Variants in VKORC1L1 observed in about 807,000 individuals in gnomAD.
VKORC1L1 encodes vitamin K epoxide reductase complex subunit 1L1.
In VKORC1L1, 2 loss-of-function variants were observed where a neutral mutation model predicts 18.9. The ratio of observed to expected loss-of-function variants is 0.11; its 90% CI spans 0.04 to 0.33. VKORC1L1 has a LOEUF of 0.33. VKORC1L1 is among the 10% of genes least tolerant of loss of function. The probability of loss-of-function intolerance (pLI) is 1.00; values close to 1 mark genes in which losing one functional copy is unlikely to be tolerated. For synonymous variants in VKORC1L1, 96 were observed against 100.0 expected (o/e 0.96, Z 0.24); for missense variants, 123 against 224.1 (o/e 0.55, Z 2.88).
At chr7:65,945,612 C>CA (rs56868718) in intron 1 of VKORC1L1, among the ~76,000 whole-genome samples, 17,451 of 145,898 alleles carry the variant, frequency 0.12, 1,098 homozygotes, top group Middle Eastern at 0.21. Context: ...GACTCCGTCT[C>CA]AAAAAAAAAA....
At chr7:65,919,504 A>G (rs1045832982) in intron 1 of VKORC1L1, among the ~76,000 whole-genome samples, 6 of 152,122 alleles carry the variant, frequency 3.9e-5, no homozygotes, top group African/African-American at 9.7e-5. Context: ...CCCAGCTAGT[A>G]AAGTCAGAAA....
At chr7:65,907,082 A>T (rs1789418316) in intron 1 of VKORC1L1, among the ~76,000 whole-genome samples, 1 of 152,162 alleles carries the variant, frequency 6.6e-6, no homozygotes, top group South Asian at 2.1e-4. Context: ...TAAGGATAAG[A>T]CTGCTAGAGA....
intron 1 of VKORC1L1, among the ~76,000 whole-genome samples, chr7:65,922,241 C>G (rs1220232966): frequency 6.6e-6 from 1 of 150,754 alleles, no homozygotes; most frequent in Non-Finnish European, 1.5e-5. Context: ...ATTTCCCCCT[C>G]TATCTTTGCA....
intron 1 of VKORC1L1, among the ~76,000 whole-genome samples, chr7:65,903,312 G>A (rs187909974): frequency 3.3e-5 from 5 of 151,550 alleles, no homozygotes; most frequent in Admixed American, 6.6e-5. Flanking sequence ...GATTACAGGC[G>A]CATGCCACCA....
chr7:65,926,923 TATATATACTAG>T (rs769756719), intron 1 of VKORC1L1, among the ~76,000 whole-genome samples: 83 of 152,104 alleles, frequency 5.5e-4, no homozygotes, highest in South Asian at 1.0e-3. Flanking sequence ...AGGCAAACAG[TATATATACTAG>T]ATATACTAGA....
At chr7:65,936,589 G>A (rs539059863) in intron 1 of VKORC1L1, among the ~76,000 whole-genome samples, 1 of 152,280 alleles carries the variant, frequency 6.6e-6, no homozygotes, top group East Asian at 1.9e-4. Context: ...TTTGAATGAT[G>A]GTTTATATCA....
Position 65,945,439 on chromosome 7 carries a change from A to G in VKORC1L1, c.195-3232A>G, listed in dbSNP as rs555389153. Among the ~76,000 whole-genome samples, 30 of 151,942 alleles carry G rather than the reference A, an allele frequency of 2.0e-4. No homozygotes were observed. In the South Asian group the frequency reaches 4.0e-3, roughly 20 times the overall value. Reference sequence around the variant, plus strand: ...ATCTTGGCTAACACGGTGAAACCCCATCTCTACTAAAAATACAAAAAAATT... The same window carrying G: ...ATCTTGGCTAACACGGTGAAACCCCGTCTCTACTAAAAATACAAAAAAATT... On this transcript the variant is annotated intron_variant, in intron 1 of 2. Transcript: ENST00000360768.
At chr7:65,874,038 C>G (rs974141721) in intron 1 of VKORC1L1, among the ~76,000 whole-genome samples, 1 of 152,148 alleles carries the variant, frequency 6.6e-6, no homozygotes, top group Non-Finnish European at 1.5e-5. Context: ...TTGGGGCCGG[C>G]GCGGAGACAG....
At chr7:65,899,873 G>A (rs1374325631) in intron 1 of VKORC1L1, among the ~76,000 whole-genome samples, 2 of 151,798 alleles carry the variant, frequency 1.3e-5, no homozygotes, top group East Asian at 3.9e-4. Context: ...GGTGGTACAT[G>A]CCTGTAATCC....
chr7:65,880,426 A>G (rs1194194221), intron 1 of VKORC1L1, among the ~76,000 whole-genome samples: 1 of 152,128 alleles, frequency 6.6e-6, no homozygotes, highest in East Asian at 1.9e-4. Flanking sequence ...GTTAACTAAC[A>G]GATAGACGGT....
intron 1 of VKORC1L1, among the ~76,000 whole-genome samples, chr7:65,882,234 T>C (rs556817711): frequency 1.0e-4 from 15 of 149,864 alleles, no homozygotes; most frequent in East Asian, 2.0e-4. Context: ...ACAAAATTAG[T>C]CGGGCATGGT....
At chr7:65,878,365 T>G (rs1583819586) in intron 1 of VKORC1L1, among the ~76,000 whole-genome samples, 1 of 151,958 alleles carries the variant, frequency 6.6e-6, no homozygotes, top group East Asian at 1.9e-4. Flanking sequence ...GAGAATCACT[T>G]GAACCCGGGA....
intron 1 of VKORC1L1, among the ~76,000 whole-genome samples, chr7:65,944,941 TGGC>T (rs1562656082): frequency 1.3e-5 from 2 of 150,988 alleles, no homozygotes; most frequent in African/African-American, 4.9e-5. Flanking sequence ...AGCAACATTC[TGGC>T]TTACCATATT....
intron 1 of VKORC1L1, among the ~76,000 whole-genome samples, chr7:65,904,446 C>T (rs563722662): frequency 1.2e-3 from 178 of 152,292 alleles, no homozygotes; most frequent in African/African-American, 4.1e-3. Context: ...CTCAAGTCAT[C>T]TGCCTGCCTC....
upstream of VKORC1L1, among the ~76,000 whole-genome samples, chr7:65,871,671 A>T (rs762929728): frequency 1.2e-4 from 19 of 152,094 alleles, no homozygotes; most frequent in Non-Finnish European, 2.1e-4. Flanking sequence ...AAGAGGTGCA[A>T]GTGGACAGGA....
intron 1 of VKORC1L1, among the ~76,000 whole-genome samples, chr7:65,921,064 G>C (rs189916998): frequency 7.1e-6 from 1 of 140,652 alleles, no homozygotes; most frequent in Admixed American, 7.2e-5. Context: ...TTTTACTTTG[G>C]GGGGGGTTTA....
chr7:65,913,086 G>T (rs1248820574), intron 1 of VKORC1L1, among the ~76,000 whole-genome samples: 8 of 152,174 alleles, frequency 5.3e-5, no homozygotes, highest in Non-Finnish European at 8.8e-5. Context: ...CAGCAAAACT[G>T]CAAATGAAAG....
At chr7:65,919,489 T>C (rs1426135538) in intron 1 of VKORC1L1, among the ~76,000 whole-genome samples, 2 of 152,196 alleles carry the variant, frequency 1.3e-5, no homozygotes, top group Non-Finnish European at 2.9e-5. Flanking sequence ...ATAGCAACTT[T>C]TCTTCCCAGC....
At chr7:65,936,258 C>T (rs1158883901) in intron 1 of VKORC1L1, among the ~76,000 whole-genome samples, 1 of 151,930 alleles carries the variant, frequency 6.6e-6, no homozygotes, top group Non-Finnish European at 1.5e-5. Flanking sequence ...CTGGTAATTC[C>T]AGCATCTGTG....
Sources: gnomAD v4.1 joint callset for allele counts (sites outside exome capture counted in the v4.1 genomes callset) on GRCh38, gnomAD v4.1.1 for gene constraint, MANE v1.5 for transcripts, NCBI Gene and HGNC (gene_info 2026-07-23, HGNC 2026-07-21) for gene names.